DZANK1: variants seen among roughly 807,000 people sequenced by gnomAD.
DZANK1 encodes the protein double zinc ribbon and ankyrin repeat-containing protein 1.
DZANK1 carries 91 observed loss-of-function variants against 94.5 expected under a neutral mutation model. That is an observed-to-expected ratio of 0.96 (90% CI 0.81 to 1.15). DZANK1 has a LOEUF of 1.15. Ranked by LOEUF, DZANK1 falls within the 50% of genes most tolerant of loss-of-function variation. DZANK1 has a pLI of 0.00. For synonymous variants in DZANK1, 312 were observed against 325.3 expected, an observed-to-expected ratio of 0.96 and a Z score of 0.44; for missense variants, 903 against 916.4, an observed-to-expected ratio of 0.99 and a Z score of 0.19.
Position 18,390,460 on chromosome 20 carries a change from CT to C in DZANK1, c.1810-2del. 6.2e-7 allele frequency: 1 copy of C among 1,613,802 alleles called. No homozygotes were observed. Among genetic ancestry groups the C allele is most frequent in the Non-Finnish European group, 8.5e-7 (1 of 1,179,732 alleles). On this transcript the variant is annotated splice_acceptor_variant, in intron 17 of 20. Coordinates refer to ENST00000262547, the Ensembl canonical transcript of DZANK1. LOFTEE classifies it high-confidence loss of function. ...CCTTCAGCAGGAGTCTGTTTTCAGG[CT>C]GCAGGATTACAGAATGTGGTCATTT... is the stretch of plus-strand genomic sequence containing the variant.
intron 10 of DZANK1, among the ~76,000 whole-genome samples, chr20:18,418,705 G>C (rs141364713): frequency 6.6e-6 from 1 of 152,132 alleles, no homozygotes; most frequent in Non-Finnish European, 1.5e-5. Flanking sequence ...TTGATCCTAA[G>C]ATGAATCAGA....
chr20:18,385,755 A>AT (rs1252403547), intron 19 of DZANK1, among the ~76,000 whole-genome samples: 2 of 152,068 alleles, frequency 1.3e-5, no homozygotes, highest in Admixed American at 1.3e-4. Context: ...TGAAGCTCCT[A>AT]TTTTTGTGTG....
chr20:18,415,440 T>G, exon 11 of DZANK1: 8 of 1,534,932 alleles, frequency 5.2e-6, no homozygotes, highest in Non-Finnish European at 7.0e-6. Context: ...TTATCCCCAC[T>G]GCACATCGAC....
intron 13 of DZANK1, among the ~76,000 whole-genome samples, chr20:18,403,225 G>C (rs2056779493): frequency 6.6e-6 from 1 of 152,116 alleles, no homozygotes; most frequent in Non-Finnish European, 1.5e-5. Flanking sequence ...CTTTGATCTG[G>C]GACACTGAGA....
intron 17 of DZANK1, 94 bp from the exon 18 acceptor site, chr20:18,390,553 G>A: frequency 5.0e-6 from 6 of 1,200,352 alleles, no homozygotes; most frequent in South Asian, 2.5e-5. Context: ...AAGTCACAAG[G>A]ACAGGTGACT....
intron 1 of DZANK1, 40 bp downstream of exon 1, chr20:18,466,956 T>C (rs2059679784): frequency 6.5e-6 from 1 of 153,758 alleles, no homozygotes; most frequent in Non-Finnish European, 1.4e-5. Context: ...GGACCCCTAA[T>C]GCATCTCTGC....
chr20:18,446,323 G>C (rs2148707243), intron 7 of DZANK1, among the ~76,000 whole-genome samples: 1 of 152,128 alleles, frequency 6.6e-6, no homozygotes, highest in Middle Eastern at 3.4e-3. Flanking sequence ...AAGAAAGAAG[G>C]CAGACAGGCC....
chr20:18,415,308 TCA>T lies in DZANK1; in HGVS notation c.1077+17_1077+18del. The T allele has an allele frequency of 6.6e-7, 1 of 1,516,854 alleles. No homozygotes were observed. 94.0% of individuals were successfully genotyped at this position (1,516,854 alleles called of 1,614,324 possible). A position where few individuals can be genotyped will look rare whatever the true frequency, so the allele number is the denominator to read the frequency against. On this transcript the variant is annotated intron_variant, in intron 11 of 20. Transcript: ENST00000262547. ...GGTGAGGTGCTCAGTATACAGAATC[TCA>T]GTTTTAAAATACCCACCATGGCTCC...
intron 19 of DZANK1, 49 bp downstream of exon 19, chr20:18,389,652 C>A (rs766348082): frequency 1.2e-6 from 2 of 1,606,542 alleles, no homozygotes; most frequent in Admixed American, 3.3e-5. Context: ...GAGCTCCAAG[C>A]AGTCAGCCTG....
At chr20:18,464,199 G>A (rs1009452827) in intron 2 of DZANK1, among the ~76,000 whole-genome samples, 7 of 151,342 alleles carry the variant, frequency 4.6e-5, no homozygotes, top group African/African-American at 1.5e-4. Context: ...TCAGCCTCCC[G>A]AGTAGCTGGG....
chr20:18,413,570 A>G (rs577810641), intron 12 of DZANK1, among the ~76,000 whole-genome samples: 4 of 152,060 alleles, frequency 2.6e-5, no homozygotes, highest in Non-Finnish European at 5.9e-5. Context: ...TCACGAGGTA[A>G]GGAGTTCGAG....
At chr20:18,394,687 T>C (rs2056233418) in intron 15 of DZANK1, 1 of 531,486 alleles carries the variant, frequency 1.9e-6, no homozygotes, top group Admixed American at 2.0e-5. Flanking sequence ...TTAGATCCTT[T>C]ATAAGTGATT....
In DZANK1 at chr20:18,441,616, A is replaced by G. The variant is rs148086621; in HGVS notation, c.747+1731T>C. 2.6e-5 allele frequency among the ~76,000 whole-genome samples: 4 copies of G among 152,330 alleles called. No individual in the cohort carries two copies. Among genetic ancestry groups the G allele is most frequent in the Non-Finnish European group, 5.9e-5 (4 of 68,036 alleles). On this transcript the variant is annotated intron_variant, in intron 8 of 20. Coordinates refer to ENST00000262547, the Ensembl canonical transcript of DZANK1. The surrounding 1 kb of genome is among the most constrained non-coding windows in gnomAD (Gnocchi z 4.1). ...ACTTTGCCCCACATCCAAGGCTGAA[A>G]TCAGACTTCATTGAATTGAGTGTGG...
chr20:18,439,730 GAT>G (rs2148666217), intron 8 of DZANK1, among the ~76,000 whole-genome samples: 1 of 152,298 alleles, frequency 6.6e-6, no homozygotes, highest in South Asian at 2.1e-4. Context: ...TGTATTCCTT[GAT>G]ATCTTAGTGA....
Position 18,415,533 on chromosome 20 carries a change from C to T in DZANK1, c.955-84G>A, listed in dbSNP as rs1600864214. On this transcript the variant is annotated intron_variant, in intron 10 of 20. Coordinates refer to ENST00000262547, the Ensembl canonical transcript of DZANK1. ...CCAATTCAAAAAAGATAAAAAATTC[C>T]CAGACAAGATGAGCCCCGGAAATAG... 6.9e-6 allele frequency: 9 copies of T among 1,296,276 alleles called. No homozygotes were observed. In the South Asian group the frequency reaches 2.2e-4, roughly 32 times the overall value. 80.3% of individuals were successfully genotyped at this position (1,296,276 alleles called of 1,614,324 possible).
exon 10 of DZANK1, chr20:18,427,130 T>G (rs369543725): frequency 1.2e-6 from 2 of 1,613,144 alleles, no homozygotes; most frequent in African/African-American, 2.7e-5. Flanking sequence ...CAGGATTTCC[T>G]GTACCACAGG....
chr20:18,385,030 G>A (rs778007440), exon 20 of DZANK1: 38 of 1,552,554 alleles, frequency 2.4e-5, no homozygotes, highest in East Asian at 1.7e-4. Flanking sequence ...GTAAAGTGGC[G>A]GTGCTCTCTC....
rs1311432810 is a variant in DZANK1, at chr20:18,441,023, G to A, written c.747+2324C>T. Among the ~76,000 whole-genome samples, 1 of 152,136 alleles carries A rather than the reference G, an allele frequency of 6.6e-6. No homozygotes were observed. The highest frequency in any genetic ancestry group is 2.4e-5 in the African/African-American group (1 of 41,430). Reference sequence around the variant, plus strand: ...TTTGGGCTGTCATAGGAGCCCTCTGGTTCCTGCACCATGACTTAAAGGTCC... The same window carrying A: ...TTTGGGCTGTCATAGGAGCCCTCTGATTCCTGCACCATGACTTAAAGGTCC... On this transcript the variant is annotated intron_variant, in intron 8 of 20. Transcript: ENST00000262547. The surrounding 1 kb of genome is among the most constrained non-coding windows in gnomAD (Gnocchi z 4.1).
chr20:18,449,164 T>G, intron 6 of DZANK1, 95 bp from the exon 7 acceptor site: 1 of 996,396 alleles, frequency 1.0e-6, no homozygotes, highest in Non-Finnish European at 1.6e-6. Context: ...AAAATCATTA[T>G]GGGTGAATAC....
Sources: gnomAD v4.1 joint callset for allele counts (sites outside exome capture counted in the v4.1 genomes callset) on GRCh38, gnomAD v4.1.1 for gene constraint, Gnocchi (gnomAD v3.1) non-coding constraint, MANE v1.5 for transcripts, NCBI Gene and HGNC (gene_info 2026-07-23, HGNC 2026-07-21) for gene names.